Variants in PTPN23 observed in about 807,000 individuals in gnomAD.
PTPN23 encodes tyrosine-protein phosphatase non-receptor type 23.
In PTPN23, 72 loss-of-function variants were observed where a neutral mutation model predicts 156.3. The observed-to-expected ratio is 0.46, with a 90% CI of 0.38 to 0.56. The LOEUF (loss-of-function observed/expected upper bound fraction) is 0.56, where lower values mean the gene tolerates loss of function less well. PTPN23 is among the 20% of genes least tolerant of loss of function. The pLI is 0.00. For synonymous variants in PTPN23, 957 were observed against 899.6 expected, an observed-to-expected ratio of 1.06 and a Z score of -1.14; for missense variants, 1,974 against 2,171.5, an observed-to-expected ratio of 0.91 and a Z score of 1.81.
At position 47,412,612 on chromosome 3, in the gene PTPN23, A is replaced by G. The variant is rs1320390229; in HGVS notation, c.4416A>G (p.Ala1472=). 6.2e-7 allele frequency: 1 copy of G among 1,613,510 alleles called. No individual in the cohort carries two copies. The highest frequency in any genetic ancestry group is 8.5e-7 in the Non-Finnish European group (1 of 1,179,846). The change falls in exon 24 of 25, where the codon GCA becomes GCG. Residue 1472 remains alanine (A), a synonymous_variant. Transcript: ENST00000265562. ...CTCCATGCAAACCCTTGGCCAGTGC[A>G]AGCATCAGCCAGAAGGTGAGGAAGG... is the stretch of plus-strand genomic sequence containing the variant. ...VPPPCKPLAS[A]SISQKNHLPQ...
In PTPN23 at chr3:47,411,184, G is replaced by T; in HGVS notation, c.3386G>T (p.Gly1129Val). Residue 1129 changes from glycine to valine, a missense_variant, in exon 20 of 25, where the codon GGC becomes GTC. Gly to Val is a moderately radical substitution (Grantham distance 109). Around this residue, in one of 4 missense-constraint regions of PTPN23, gnomAD observed 731 missense variants for 669.1 expected, o/e 1.09. Coordinates refer to ENST00000265562, the MANE Select transcript of PTPN23 (RefSeq NM_015466.4). The surrounding 1 kb of genome is among the most constrained non-coding windows in gnomAD (Gnocchi z 6.3). Reference sequence around the variant, plus strand: ...TCCTCCAGCCCGGAGAGCCAGCATGGCGGCACTCAGTCTCCTGGGGGTGGG... The same window carrying T: ...TCCTCCAGCCCGGAGAGCCAGCATGTCGGCACTCAGTCTCCTGGGGGTGGG... ...LLSSSPESQH[G>V]GTQSPGGGQP... 6.2e-7 allele frequency: 1 copy of T among 1,603,726 alleles called. No individual in the cohort carries two copies.
At chr3:47,408,577 G>T in intron 15 of PTPN23, 87 bp downstream of exon 15, 2 of 1,532,600 alleles carry the variant, frequency 1.3e-6, no homozygotes, top group Non-Finnish European at 1.8e-6. Flanking sequence ...ACTGAGGATG[G>T]AGGCTGCACC....
At chr3:47,408,529 G>A (rs1335971883) in intron 15 of PTPN23, 39 bp downstream of exon 15, 5 of 1,586,652 alleles carry the variant, frequency 3.2e-6, no homozygotes, top group East Asian at 2.2e-5. Flanking sequence ...AAGGGAGTGT[G>A]GAGGTCATCT....
At chr3:47,412,053 C>A in intron 21 of PTPN23, 41 bp from the exon 22 acceptor site, 1 of 1,611,054 alleles carries the variant, frequency 6.2e-7, no homozygotes, top group South Asian at 1.1e-5. Flanking sequence ...TCAGGTCAGG[C>A]CTGGCTCATA....
Position 47,410,560 on chromosome 3 carries a change from C to T in PTPN23, c.2762C>T (p.Pro921Leu), listed in dbSNP as rs776583560. 3 of 1,612,342 alleles carry T rather than the reference C, an allele frequency of 1.9e-6. No homozygotes were observed. The highest frequency in any genetic ancestry group is 1.1e-5 in the South Asian group (1 of 90,984). The change falls in exon 20 of 25, where the codon CCT (proline) becomes CTT (leucine). Residue 921 changes from proline (P) to leucine (L), a missense_variant. Transcript: ENST00000265562. Reference sequence around the variant, plus strand: ...CCCCCACCGCAGCCACTGCCCACGCCTTACACCTACCCTGCAGGGGCTAAG... The same window carrying T: ...CCCCCACCGCAGCCACTGCCCACGCTTTACACCTACCCTGCAGGGGCTAAG... ...PVPPPQPLPT[P>L]YTYPAGAKQP...
chr3:47,385,750 A>G (rs1704639685), intron 1 of PTPN23, among the ~76,000 whole-genome samples: 1 of 152,206 alleles, frequency 6.6e-6, no homozygotes, highest in African/African-American at 2.4e-5. Context: ...CTCATCCTCA[A>G]GTGCAGGTGT....
chr3:47,395,881 C>T (rs1485905545), intron 1 of PTPN23, among the ~76,000 whole-genome samples: 1 of 152,192 alleles, frequency 6.6e-6, no homozygotes, highest in Non-Finnish European at 1.5e-5. Context: ...TCCTTGGCTT[C>T]CTGAGCTGGC....
At chr3:47,396,722 G>GT (rs1260500526) in intron 2 of PTPN23, among the ~76,000 whole-genome samples, 10 of 152,314 alleles carry the variant, frequency 6.6e-5, no homozygotes, top group African/African-American at 2.2e-4. Context: ...AGGCCCAGGA[G>GT]TTTGAGACCA....
intron 14 of PTPN23, 113 bp downstream of exon 14, chr3:47,408,068 T>C: frequency 7.6e-7 from 1 of 1,323,482 alleles, no homozygotes; most frequent in Non-Finnish European, 1.1e-6. Flanking sequence ...CCAAACAGGT[T>C]TCCCAATGCT....
At position 47,406,953 on chromosome 3, in the gene PTPN23, C is replaced by T; in HGVS notation, c.808-177C>T. 6.6e-6 allele frequency among the ~76,000 whole-genome samples: 1 copy of T among 152,120 alleles called. No homozygotes were observed. The highest frequency in any genetic ancestry group is 1.5e-5 in the Non-Finnish European group (1 of 68,008). On this transcript the variant is annotated intron_variant, in intron 9 of 24. Coordinates refer to ENST00000265562, the MANE Select transcript of PTPN23 (RefSeq NM_015466.4). This position sits in a 1 kb window ranked among gnomAD's most constrained non-coding sequence, Gnocchi z 5.8. ...CTGAGGAGGTGGGGCAGGCTCCCTA[C>T]AGAGCAGGTGGCTGGGGCAGGGTGT...
Position 47,411,143 on chromosome 3 carries a change from A to T in PTPN23, c.3345A>T (p.Ala1115=). 6.2e-7 allele frequency: 1 copy of T among 1,601,658 alleles called. No individual in the cohort carries two copies. The highest frequency in any genetic ancestry group is 1.1e-5 in the South Asian group (1 of 89,758). ...EPPPCLRRGA[A]AADLLSSSPE... is the part of the protein sequence containing the mutation. ...CCCCTTGCCTGCGCCGAGGCGCCGC[A>T]GCTGCAGACCTGCTCTCCTCCAGCC... Residue 1115 remains alanine, a synonymous_variant, in exon 20 of 25, where the codon GCA becomes GCT. Coordinates refer to ENST00000265562, the MANE Select transcript of PTPN23 (RefSeq NM_015466.4). The surrounding 1 kb of genome is among the most constrained non-coding windows in gnomAD (Gnocchi z 6.3).
intron 1 of PTPN23, among the ~76,000 whole-genome samples, chr3:47,382,926 A>G (rs946984490): frequency 5.3e-5 from 8 of 151,784 alleles, no homozygotes; most frequent in African/African-American, 1.7e-4. Context: ...CCGACCCGTG[A>G]TCCACCCACC....
At position 47,411,405 on chromosome 3, in the gene PTPN23, G is replaced by A; in HGVS notation, c.3607G>A (p.Glu1203Lys). The change falls in exon 20 of 25, where the codon GAA becomes AAA. Residue 1203 changes from glutamate to lysine, a missense_variant. Glu to Lys is a moderately conservative substitution (Grantham distance 56, BLOSUM62 1). Coordinates refer to ENST00000265562, the MANE Select transcript of PTPN23 (RefSeq NM_015466.4). The surrounding 1 kb of genome is among the most constrained non-coding windows in gnomAD (Gnocchi z 6.3). ...CTGGCGAGAGCTGCAAGATGCGCAGGAACATGATGCCCGAGGCCGTTCCAT... is the reference window on the plus strand; with the variant it reads ...CTGGCGAGAGCTGCAAGATGCGCAGAAACATGATGCCCGAGGCCGTTCCAT... ...TVWRELQDAQ[E>K]HDARGRSIAI... The A allele has an allele frequency of 6.2e-7, 1 of 1,613,088 alleles. No homozygotes were observed. Among genetic ancestry groups the A allele is most frequent in the Non-Finnish European group, 8.5e-7 (1 of 1,180,030 alleles).
intron 1 of PTPN23, among the ~76,000 whole-genome samples, chr3:47,391,545 G>A (rs943166422): frequency 3.9e-5 from 6 of 152,208 alleles, no homozygotes; most frequent in Non-Finnish European, 2.9e-5. Flanking sequence ...AGCATCTGCT[G>A]CTGATCTTAT....
chr3:47,410,732 C>G lies in PTPN23; in HGVS notation c.2934C>G (p.Leu978=). 1 of 1,574,886 alleles carries G rather than the reference C, an allele frequency of 6.3e-7. No homozygotes were observed. The highest frequency in any genetic ancestry group is 1.4e-5 in the African/African-American group (1 of 73,848). ...GPQPPQQPLP[L]QHPHLFPPQA... ...AGCCCCCACAGCAGCCCCTTCCACT[C>G]CAGCATCCACATCTCTTCCCACCCC... The change falls in exon 20 of 25, where the codon CTC becomes CTG. Residue 978 remains leucine, a synonymous_variant. Transcript: ENST00000265562.
chr3:47,412,188 G>T lies in PTPN23; in HGVS notation c.4168G>T (p.Val1390Leu), dbSNP rs1705320575. Residue 1390 changes from valine to leucine, a missense_variant, in exon 22 of 25, where the codon GTG becomes TTG. Transcript: ENST00000265562. The stretch of plus-strand genomic sequence containing the variant: ...GCGGCCGCTGCACACGCCCATCATT[G>T]TGCACTGCAGGTAGAGGGTGGGCCT... ...HQRPLHTPII[V>L]HCSSGVGRTG... The T allele has an allele frequency of 6.2e-7, 1 of 1,613,256 alleles. No homozygotes were observed. Among genetic ancestry groups the T allele is most frequent in the Non-Finnish European group, 8.5e-7 (1 of 1,180,044 alleles).
rs2107715845 is a variant in PTPN23, at chr3:47,406,767, AG to A, written c.807+21del. ...GGGGAGCGGGTGAGCTACAGCGAGG[AG>A]GGGACTGGGGACCAATGGCAGCCTT... On this transcript the variant is annotated intron_variant, in intron 9 of 24. Transcript: ENST00000265562. This position sits in a 1 kb window ranked among gnomAD's most constrained non-coding sequence, Gnocchi z 5.8. 4 of 1,613,190 alleles carry A rather than the reference AG, an allele frequency of 2.5e-6. No homozygotes were observed. The highest frequency in any genetic ancestry group is 3.4e-6 in the Non-Finnish European group (4 of 1,179,816).
intron 1 of PTPN23, among the ~76,000 whole-genome samples, chr3:47,393,133 G>A (rs1704808677): frequency 6.6e-6 from 1 of 152,090 alleles, no homozygotes; most frequent in African/African-American, 2.4e-5. Context: ...ACTGCACCCA[G>A]TGTGTTACCT....
chr3:47,404,100 T>C (rs1160610224), intron 2 of PTPN23, among the ~76,000 whole-genome samples: 1 of 152,098 alleles, frequency 6.6e-6, no homozygotes, highest in Non-Finnish European at 1.5e-5. Context: ...AAAAGTTAAG[T>C]AGAGTAAAAA....
Sources: allele counts gnomAD v4.1 joint callset (sites outside exome capture counted in the v4.1 genomes callset), GRCh38; gene constraint gnomAD v4.1.1; regional missense constraint gnomAD v4.1.1; non-coding constraint Gnocchi (gnomAD v3.1); transcripts MANE v1.5; gene names NCBI Gene and HGNC (gene_info 2026-07-23, HGNC 2026-07-21).